Variants in ATG7 observed in about 807,000 individuals in gnomAD.
ATG7 encodes the protein autophagy related 7, also known as ubiquitin-like modifier-activating enzyme ATG7.
In ATG7, 70 loss-of-function variants were observed where a neutral mutation model predicts 82.4. The observed-to-expected ratio is 0.85, with a 90% confidence interval of 0.70 to 1.04. ATG7 has a LOEUF of 1.04. Among genes scored for constraint, ATG7 ranks in the 50% least tolerant of loss-of-function variants. The pLI, the probability that ATG7 is intolerant of heterozygous loss-of-function variation, is 0.00. For synonymous variants in ATG7, 287 were observed against 313.0 expected, an observed-to-expected ratio of 0.92 and a Z score of 0.88; for missense variants, 792 against 864.3, an observed-to-expected ratio of 0.92 and a Z score of 1.05.
At chr3:11,451,196 G>A (rs2085085789) in intron 20 of ATG7, among the ~76,000 whole-genome samples, 1 of 145,160 alleles carries the variant, frequency 6.9e-6, no homozygotes, top group South Asian at 2.2e-4. Flanking sequence ...TGATAAAATA[G>A]AAGTAAAGGT....
chr3:11,474,665 C>T (rs945765455), intron 20 of ATG7, among the ~76,000 whole-genome samples: 8 of 151,932 alleles, frequency 5.3e-5, no homozygotes, highest in African/African-American at 1.7e-4. Context: ...GGGTGGGAGT[C>T]GAGAATAGAT....
the ATG7 span, among the ~76,000 whole-genome samples, chr3:11,573,291 G>A: frequency 9.2e-5 from 1 of 10,914 alleles, no homozygotes. Context: ...AAGAAAGAAA[G>A]AAAGAAAGAA....
At chr3:11,292,426 A>G (rs1945140067) in intron 3 of ATG7, among the ~76,000 whole-genome samples, 2 of 151,512 alleles carry the variant, frequency 1.3e-5, no homozygotes, top group African/African-American at 2.4e-5. Flanking sequence ...CACCTGGGTA[A>G]TTTTTGTATT....
chr3:11,552,342 T>A (rs2071881877), intron 20 of ATG7, among the ~76,000 whole-genome samples: 1 of 152,204 alleles, frequency 6.6e-6, no homozygotes, highest in Admixed American at 6.5e-5. Context: ...CATACCCTTG[T>A]CGGCACTGAG....
Position 11,403,707 on chromosome 3 carries a change from A to T in ATG7, c.1957-23097A>T, listed in dbSNP as rs531939542. Among the ~76,000 whole-genome samples the T allele has an allele frequency of 3.5e-4, 53 of 152,330 alleles. No homozygotes were observed. In the South Asian group the frequency reaches 7.0e-3, roughly 20 times the overall value. Reference sequence around the variant, plus strand: ...TTAATACGAATGCTAATGAAAAGGCAAGGAATATAAAAACCAACAACATAT... The same window carrying T: ...TTAATACGAATGCTAATGAAAAGGCTAGGAATATAAAAACCAACAACATAT... On this transcript the variant is annotated intron_variant, in intron 19 of 20. Coordinates refer to ENST00000693202, the MANE Select transcript of ATG7 (RefSeq NM_001349232.2).
intron 19 of ATG7, among the ~76,000 whole-genome samples, chr3:11,405,747 C>T (rs1389866186): frequency 1.3e-5 from 2 of 151,966 alleles, no homozygotes; most frequent in African/African-American, 4.8e-5. Context: ...CCCACTTCAG[C>T]CTCCCAAGTA....
chr3:11,553,548 C>T (rs901263116), intron 20 of ATG7, among the ~76,000 whole-genome samples: 1 of 152,222 alleles, frequency 6.6e-6, no homozygotes, highest in Non-Finnish European at 1.5e-5. Context: ...CTCAGTCCCA[C>T]CCTGGGGGAG....
chr3:11,366,464 C>T (rs983307979), intron 18 of ATG7, among the ~76,000 whole-genome samples: 4 of 152,072 alleles, frequency 2.6e-5, no homozygotes, highest in Non-Finnish European at 4.4e-5. Flanking sequence ...CCAAAAGACG[C>T]GGTAATAACC....
In ATG7 at chr3:11,313,382, G is replaced by A; in HGVS notation, c.490G>A (p.Gly164Arg). 3 of 1,612,032 alleles carry A rather than the reference G, an allele frequency of 1.9e-6. No homozygotes were observed. Among genetic ancestry groups the A allele is most frequent in the Non-Finnish European group, 1.7e-6 (2 of 1,178,918 alleles). Residue 164 changes from glycine (G) to arginine (R), a missense_variant, in exon 8 of 21, where the codon GGG becomes AGG. Gly to Arg is a moderately radical substitution (Grantham distance 125). Coordinates refer to ENST00000693202, the MANE Select transcript of ATG7 (RefSeq NM_001349232.2). ...TCCAGAGAGTTTACCTCTCATTCAG[G>A]GGCCAGTGGGTTTGGATCAAAGGTT... is the stretch of plus-strand genomic sequence containing the variant. ...CLPESLPLIQ[G>R]PVGLDQRFSL... is the part of the protein sequence containing the mutation.
intron 20 of ATG7, among the ~76,000 whole-genome samples, chr3:11,451,577 C>T (rs2152985411): frequency 1.3e-5 from 2 of 152,234 alleles, no homozygotes; most frequent in Middle Eastern, 6.8e-3. Context: ...AAGCGTATCA[C>T]TGGTATAAAG....
intron 20 of ATG7, among the ~76,000 whole-genome samples, chr3:11,430,786 C>T (rs991588968): frequency 6.6e-6 from 1 of 152,146 alleles, no homozygotes; most frequent in Admixed American, 6.5e-5. Flanking sequence ...ATATTAAGTG[C>T]TGAGAGAGCA....
At chr3:11,466,554 T>C (rs2086846533) in intron 20 of ATG7, among the ~76,000 whole-genome samples, 1 of 152,242 alleles carries the variant, frequency 6.6e-6, no homozygotes, top group Non-Finnish European at 1.5e-5. Flanking sequence ...GAAAAAGCAC[T>C]GTAGTCACAG....
intron 20 of ATG7, among the ~76,000 whole-genome samples, chr3:11,445,698 A>G (rs969313085): frequency 6.6e-6 from 1 of 152,150 alleles, no homozygotes; most frequent in Non-Finnish European, 1.5e-5. Context: ...AAAAGAAAAT[A>G]TGCATCTTCA....
At chr3:11,574,887 C>A in the ATG7 span, among the ~76,000 whole-genome samples, 1 of 148,740 alleles carries the variant, frequency 6.7e-6, no homozygotes, top group Non-Finnish European at 1.5e-5. Flanking sequence ...TTCAGGAAGC[C>A]AGGAAAAAGA....
At chr3:11,491,032 G>C (rs558970968) in intron 20 of ATG7, among the ~76,000 whole-genome samples, 1 of 152,248 alleles carries the variant, frequency 6.6e-6, no homozygotes, top group East Asian at 1.9e-4. Flanking sequence ...TTGCTAGATT[G>C]GGGAATTTCT....
chr3:11,339,818 G>A (rs372891033), intron 11 of ATG7, among the ~76,000 whole-genome samples: 1 of 152,334 alleles, frequency 6.6e-6, no homozygotes, highest in East Asian at 1.9e-4. Context: ...CAAATCACGT[G>A]GGTTCTGTAC....
At chr3:11,445,220 A>G (rs2084415254) in intron 20 of ATG7, among the ~76,000 whole-genome samples, 1 of 152,256 alleles carries the variant, frequency 6.6e-6, no homozygotes, top group Non-Finnish European at 1.5e-5. Flanking sequence ...CCAAAGGAAT[A>G]TAAATCATTC....
In ATG7 at chr3:11,338,431, A is replaced by G. The variant is rs541820066; in HGVS notation, c.890-2214A>G. ...TTTTTAATTGAATCTAAGAGTAGTA[A>G]TAAAATCAAACAAAATATCAATTAA... On this transcript the variant is annotated intron_variant, in intron 11 of 20. Transcript: ENST00000693202. 5.0e-4 allele frequency among the ~76,000 whole-genome samples: 76 copies of G among 152,324 alleles called. 2 individuals are homozygous for G. In the South Asian group the frequency reaches 0.015, roughly 31 times the overall value.
At chr3:11,300,296 G>T (rs1280477575) in intron 5 of ATG7, among the ~76,000 whole-genome samples, 1 of 151,978 alleles carries the variant, frequency 6.6e-6, no homozygotes, top group Non-Finnish European at 1.5e-5. Flanking sequence ...AGACTCGCCA[G>T]GTGTGATTTT....
Sources: allele counts gnomAD v4.1 joint callset (sites outside exome capture counted in the v4.1 genomes callset), GRCh38; gene constraint gnomAD v4.1.1; transcripts MANE v1.5; gene names NCBI Gene and HGNC (gene_info 2026-07-23, HGNC 2026-07-21).